EPPK1: variants seen among roughly 807,000 people sequenced by gnomAD.
EPPK1 encodes epiplakin.
For missense variants in EPPK1, 3,823 were observed against 3,673.3 expected (o/e 1.04, Z -1.05); for synonymous variants, 1,862 against 1,721.2 (o/e 1.08, Z -2.03).
In EPPK1 at chr8:143,857,764, T is replaced by A. The variant is rs1818920609; in HGVS notation, c.*223A>T. 2.1e-6 allele frequency: 1 copy of A among 477,230 alleles called. No homozygotes were observed. The highest frequency in any genetic ancestry group is 3.6e-6 in the Non-Finnish European group (1 of 275,674). The allele number at this position is 477,230 out of a possible 1,614,324, so 29.6% of individuals were successfully genotyped here. On this transcript the variant is annotated 3_prime_UTR_variant, in exon 2 of 2. Coordinates refer to ENST00000615648, the MANE Select transcript of EPPK1 (RefSeq NM_031308.4). ...GAGAAAAGTAAAACCATATGACACA[T>A]AGACGACCCAGAAAACACACCAAAA...
upstream of EPPK1, among the ~76,000 whole-genome samples, chr8:143,878,940 C>A (rs543940452): frequency 1.3e-5 from 2 of 152,258 alleles, no homozygotes; most frequent in African/African-American, 4.8e-5. Context: ...CCCCCTGCCC[C>A]CATGACGTTG....
At position 143,872,196 on chromosome 8, in the gene EPPK1, T is replaced by C. The variant is rs782425541; in HGVS notation, c.1058A>G (p.His353Arg). 1.9e-6 allele frequency: 3 copies of C among 1,602,374 alleles called. No homozygotes were observed. The highest frequency in any genetic ancestry group is 1.1e-5 in the South Asian group (1 of 89,600). Residue 353 changes from histidine to arginine, a missense_variant, in exon 2 of 2, where the codon CAT becomes CGT. Coordinates refer to ENST00000615648, the MANE Select transcript of EPPK1 (RefSeq NM_031308.4). ...CTGCTCGGCCACCAGGAGCTGCTCA[T>C]GGAGCTCTGGGCTGACCAGGCCCGC... ...VRAGLVSPEL[H>R]EQLLVAEQAV...
Position 143,870,617 on chromosome 8 carries a change from C to T in EPPK1, c.2637G>A (p.Met879Ile). The T allele has an allele frequency of 6.2e-7, 1 of 1,606,772 alleles. No homozygotes were observed. Among genetic ancestry groups the T allele is most frequent in the Non-Finnish European group, 8.5e-7 (1 of 1,177,598 alleles). ...TGACCCGGCTCCGCAGTGCGGGCAGCATGATGTCCGCCTGTCTCTGCGTCT... is the reference window on the plus strand; with the variant it reads ...TGACCCGGCTCCGCAGTGCGGGCAGTATGATGTCCGCCTGTCTCTGCGTCT... ...EAETQRQADI[M>I]LPALRSRVTV... Residue 879 changes from methionine to isoleucine, a missense_variant, in exon 2 of 2, where the codon ATG (methionine) becomes ATA (isoleucine). Physicochemically the swap from Met to Ile is conservative, Grantham distance 10. Transcript: ENST00000615648. This position sits in a 1 kb window ranked among gnomAD's most constrained non-coding sequence, Gnocchi z 5.2.
Position 143,869,706 on chromosome 8 carries a change from A to C in EPPK1, c.3548T>G (p.Val1183Gly), listed in dbSNP as rs782657605. 1 of 1,596,446 alleles carries C rather than the reference A, an allele frequency of 6.3e-7. No homozygotes were observed. The highest frequency in any genetic ancestry group is 8.5e-7 in the Non-Finnish European group (1 of 1,172,570). Residue 1183 changes from valine to glycine, a missense_variant, in exon 2 of 2, where the codon GTA becomes GGA. Coordinates refer to ENST00000615648, the MANE Select transcript of EPPK1 (RefSeq NM_031308.4). ...CTGGGCCAGGAGCTTGGTCTCCTGT[A>C]CCCACCTCTGCACAGAGGCTAGCAG... is the stretch of plus-strand genomic sequence containing the variant. Reference protein sequence around the residue: ...PQLLASVQRWVQETKLLAQAR... With the variant: ...PQLLASVQRWGQETKLLAQAR...
Position 143,873,011 on chromosome 8 carries a change from A to G in EPPK1, c.243T>C (p.Thr81=). The change falls in exon 2 of 2, where the codon ACT becomes ACC. Residue 81 remains threonine (T), a synonymous_variant. Transcript: ENST00000615648. ...CCCGGGCGAGGTCCACCAGGCCCCC[A>G]GTGGCTGCCTGGGCCTCTAGCAGAG... The part of the protein sequence containing the change: ...GQALLEAQAA[T]GGLVDLARGQ... The G allele has an allele frequency of 1.3e-6, 2 of 1,576,008 alleles. No homozygotes were observed. The highest frequency in any genetic ancestry group is 1.7e-6 in the Non-Finnish European group (2 of 1,160,474).
rs530691246 is a variant in EPPK1 at position 143,870,608 on chromosome 8, T to C, written c.2646A>G (p.Ala882=). 1.2e-6 allele frequency: 2 copies of C among 1,607,400 alleles called. No individual in the cohort carries two copies. The highest frequency in any genetic ancestry group is 2.2e-5 in the East Asian group (1 of 44,570). The part of the protein sequence containing the change: ...TQRQADIMLP[A]LRSRVTVHQL... Reference sequence around the variant, plus strand: ...GGTGGACGGTGACCCGGCTCCGCAGTGCGGGCAGCATGATGTCCGCCTGTC... The same window carrying C: ...GGTGGACGGTGACCCGGCTCCGCAGCGCGGGCAGCATGATGTCCGCCTGTC... The change falls in exon 2 of 2, where the codon GCA becomes GCG. Residue 882 remains alanine, a synonymous_variant. Transcript: ENST00000615648. This position sits in a 1 kb window ranked among gnomAD's most constrained non-coding sequence, Gnocchi z 5.2.
Position 143,870,314 on chromosome 8 carries a change from C to G in EPPK1, c.2940G>C (p.Glu980Asp). Residue 980 changes from glutamate to aspartate, a missense_variant, in exon 2 of 2, where the codon GAG (glutamate) becomes GAC (aspartate). Coordinates refer to ENST00000615648, the MANE Select transcript of EPPK1 (RefSeq NM_031308.4). The surrounding 1 kb of genome is among the most constrained non-coding windows in gnomAD (Gnocchi z 5.2). ...GCACGGCCTCATCCACCGAGAGGCT[C>G]TCTGGGCTGTGAGGGTCCATGATGG... ...TGTIMDPHSP[E>D]SLSVDEAVRR... 6.4e-7 allele frequency: 1 copy of G among 1,573,186 alleles called. No homozygotes were observed. The highest frequency in any genetic ancestry group is 1.3e-5 in the African/African-American group (1 of 74,214).
In EPPK1 at chr8:143,873,501, T is replaced by C. The variant is rs1586702512; in HGVS notation, c.-45-203A>G. On this transcript the variant is annotated intron_variant, in intron 1 of 1. Coordinates refer to ENST00000615648, the MANE Select transcript of EPPK1 (RefSeq NM_031308.4). ...GGGAAGTGCCAGCTCAGAGGGACCATGTGGGCGCAGGCACCCAGGCGGCGC... is the reference window on the plus strand; with the variant it reads ...GGGAAGTGCCAGCTCAGAGGGACCACGTGGGCGCAGGCACCCAGGCGGCGC... Among the ~76,000 whole-genome samples the C allele has an allele frequency of 2.0e-5, 3 of 151,976 alleles. No homozygotes were observed. In the South Asian group the frequency reaches 6.2e-4, roughly 32 times the overall value.
At position 143,870,225 on chromosome 8, in the gene EPPK1, C is replaced by A. The variant is rs781938496; in HGVS notation, c.3029G>T (p.Gly1010Val). 2.5e-6 allele frequency: 4 copies of A among 1,607,286 alleles called. No homozygotes were observed. Among genetic ancestry groups the A allele is most frequent in the Non-Finnish European group, 3.4e-6 (4 of 1,177,630 alleles). ...RLKRAEGAIAGFRDPFSGKQV... is the reference protein window; with the variant it reads ...RLKRAEGAIAVFRDPFSGKQV... ...CTTCCCAGAGAAGGGGTCTCTGAAG[C>A]CAGCAATGGCACCCTCAGCCCGCTT... The change falls in exon 2 of 2, where the codon GGC (glycine) becomes GTC (valine). Residue 1010 changes from glycine (G) to valine (V), a missense_variant. Physicochemically the swap from Gly to Val is moderately radical, Grantham distance 109. Transcript: ENST00000615648. This position sits in a 1 kb window ranked among gnomAD's most constrained non-coding sequence, Gnocchi z 5.2.
rs1819098227 is a variant in EPPK1, at chr8:143,866,176, C to T, written c.7078G>A (p.Asp2360Asn). 1 of 419,018 alleles carries T rather than the reference C, an allele frequency of 2.4e-6. No homozygotes were observed. 26.0% of individuals were successfully genotyped at this position (419,018 alleles called of 1,614,324 possible). A position where few individuals can be genotyped will look rare whatever the true frequency, so the allele number is the denominator to read the frequency against. The change falls in exon 2 of 2, where the codon GAC (aspartate) becomes AAC (asparagine). Residue 2360 changes from aspartate (D) to asparagine (N), a missense_variant. Asp to Asn is a conservative substitution (Grantham distance 23). Coordinates refer to ENST00000615648, the MANE Select transcript of EPPK1 (RefSeq NM_031308.4). ...AAGTAGCCGCGCCGGTAGGCCACGTCCACGGGCACGCGGTGGCTGTGCACG... is the reference window on the plus strand; with the variant it reads ...AAGTAGCCGCGCCGGTAGGCCACGTTCACGGGCACGCGGTGGCTGTGCACG... The part of the protein sequence containing the change: ...DPVHSHRVPV[D>N]VAYRRGYFDE...
rs781956824 is a variant in EPPK1 at position 143,871,019 on chromosome 8, C to G, written c.2235G>C (p.Arg745=). 26 of 1,613,154 alleles carry G rather than the reference C, an allele frequency of 1.6e-5. No homozygotes were observed. The highest frequency in any genetic ancestry group is 2.2e-5 in the Non-Finnish European group (26 of 1,179,996). The change falls in exon 2 of 2, where the codon CGG becomes CGC. Residue 745 remains arginine (R), a synonymous_variant. Coordinates refer to ENST00000615648, the MANE Select transcript of EPPK1 (RefSeq NM_031308.4). Reference sequence around the variant, plus strand: ...TCAGCATCTGATCGAAGTAGCCGCGCCGGTAGGCCACGTCCACGGGCACGC... The same window carrying G: ...TCAGCATCTGATCGAAGTAGCCGCGGCGGTAGGCCACGTCCACGGGCACGC... ...SHRVPVDVAY[R]RGYFDQMLNL...
rs370868963 is a variant in EPPK1, at chr8:143,869,468, G to A, written c.3786C>T (p.Ile1262=). Residue 1262 remains isoleucine, a synonymous_variant, in exon 2 of 2, where the codon ATC becomes ATT. Coordinates refer to ENST00000615648, the MANE Select transcript of EPPK1 (RefSeq NM_031308.4). ...GGAGGCCATCCCTCACGGCCTGGGCGATGCTGGCCTTGGCCCCAGAGGGCT... is the reference window on the plus strand; with the variant it reads ...GGAGGCCATCCCTCACGGCCTGGGCAATGCTGGCCTTGGCCCCAGAGGGCT... ...LLQPSGAKAS[I]AQAVRDGLLP... is the part of the protein sequence containing the mutation. The A allele has an allele frequency of 1.2e-4, 194 of 1,553,482 alleles. 1 individual carries two copies. The highest frequency in any genetic ancestry group is 7.9e-4 in the South Asian group (66 of 83,592).
rs1326841933 is a variant in EPPK1 at position 143,868,865 on chromosome 8, C to T, written c.4389G>A (p.Lys1463=). ...MKVPVSTGRF[K]GCSVSLWDLL... is the part of the protein sequence containing the mutation. The stretch of plus-strand genomic sequence containing the variant: ...GGTCCCAGAGTGACACGCTACACCC[C>T]TTAAACCTCCCTGTGCTGACGGGCA... Residue 1463 remains lysine (K), a synonymous_variant, in exon 2 of 2, where the codon AAG becomes AAA. Transcript: ENST00000615648. The T allele has an allele frequency of 6.2e-7, 1 of 1,610,094 alleles. No individual in the cohort carries two copies. The highest frequency in any genetic ancestry group is 8.5e-7 in the Non-Finnish European group (1 of 1,179,820).
At position 143,872,663 on chromosome 8, in the gene EPPK1, G is replaced by T; in HGVS notation, c.591C>A (p.Asp197Glu). The change falls in exon 2 of 2, where the codon GAC (aspartate) becomes GAA (glutamate). Residue 197 changes from aspartate (D) to glutamate (E), a missense_variant. Transcript: ENST00000615648. ...GCGTGTTGGGGTCGAGGAAGCGCAG[G>T]TCACCTGTGCCAGGCTCAAGCTCTG... The part of the protein sequence containing the change: ...KLSELEPGTG[D>E]LRFLDPNTLE... The T allele has an allele frequency of 6.2e-7, 1 of 1,608,772 alleles. No individual in the cohort carries two copies. The highest frequency in any genetic ancestry group is 8.5e-7 in the Non-Finnish European group (1 of 1,179,068).
Position 143,859,336 on chromosome 8 carries a change from C to T in EPPK1, c.13918G>A (p.Glu4640Lys), listed in dbSNP as rs1480420589. ...GGGCGCGGGCTCCCGGCCTCGGCCT[C>T]GGCCTCGGCCCGGGCCTGGGCCTGG... Reference protein sequence around the residue: ...QAQAQARAEAEAEAGSPRPDP... With the variant: ...QAQAQARAEAKAEAGSPRPDP... The change falls in exon 2 of 2, where the codon GAG becomes AAG. Residue 4640 changes from glutamate to lysine, a missense_variant. Transcript: ENST00000615648. 196 of 254,072 alleles carry T rather than the reference C, an allele frequency of 7.7e-4. 29 individuals carry two copies. The East Asian group carries it at 7.7e-3, about 10-fold the overall frequency. 15.7% of individuals were successfully genotyped at this position (254,072 alleles called of 1,614,324 possible). A position where few individuals can be genotyped will look rare whatever the true frequency, so the allele number is the denominator to read the frequency against.
rs1195825609 is a variant in EPPK1 at position 143,878,447 on chromosome 8, C to A, written c.-55G>T. ...GCCGCACCCGCCGCACCTGCCCGCT[C>A]GCCGCTCGGTCCGCAGTGTCTCCGC... On this transcript the variant is annotated 5_prime_UTR_variant, in exon 1 of 2. Transcript: ENST00000615648. The A allele has an allele frequency of 2.0e-5, 3 of 149,326 alleles. No individual in the cohort carries two copies. Among genetic ancestry groups the A allele is most frequent in the African/African-American group, 7.3e-5 (3 of 40,944 alleles). 9.3% of individuals were successfully genotyped at this position (149,326 alleles called of 1,614,324 possible). A position where few individuals can be genotyped will look rare whatever the true frequency, so the allele number is the denominator to read the frequency against.
rs377501477 is a variant in EPPK1, at chr8:143,870,724, C to T, written c.2530G>A (p.Glu844Lys). Residue 844 changes from glutamate (E) to lysine (K), a missense_variant, in exon 2 of 2, where the codon GAG becomes AAG. By Grantham distance (56) the Glu-to-Lys change is moderately conservative (BLOSUM62 1). Coordinates refer to ENST00000615648, the MANE Select transcript of EPPK1 (RefSeq NM_031308.4). This position sits in a 1 kb window ranked among gnomAD's most constrained non-coding sequence, Gnocchi z 5.2. Reference protein sequence around the residue: ...WELINSEYFSEGRRRQLLRRY... With the variant: ...WELINSEYFSKGRRRQLLRRY... ...CGCAGCAGCTGCCTCCTGCGGCCCT[C>T]GCTGAAGTACTCAGAGTTGATCAGC... 2.0e-5 allele frequency: 32 copies of T among 1,611,696 alleles called. 1 individual carries two copies. Among genetic ancestry groups the T allele is most frequent in the South Asian group, 1.3e-4 (12 of 91,008 alleles).
Position 143,861,356 on chromosome 8 carries a change from GCGCCGGTAGGCCA to G in EPPK1, c.11885_11897del (p.Val3962AlafsTer8). 1 of 148,600 alleles carries G rather than the reference GCGCCGGTAGGCCA, an allele frequency of 6.7e-6. No homozygotes were observed. Among genetic ancestry groups the G allele is most frequent in the Non-Finnish European group, 1.0e-5 (1 of 96,360 alleles). The allele number at this position is 148,600 out of a possible 1,614,324, so 9.2% of individuals were successfully genotyped here. A position where few individuals can be genotyped will look rare whatever the true frequency, so the allele number is the denominator to read the frequency against. ...GGTTCATCTCCTCGTCGAAGTAGCC[GCGCCGGTAGGCCA>G]CGTCCACGGGCACGCGGTGGCTGTG... On this transcript the variant is annotated frameshift_variant, in exon 2 of 2. Transcript: ENST00000615648. LOFTEE classifies it low-confidence loss of function (END_TRUNC).
rs200054235 is a variant in EPPK1 at position 143,870,130 on chromosome 8, C to T, written c.3124G>A (p.Ala1042Thr). ...PWEQAARLLEAQVATGGIIDP... is the reference protein window; with the variant it reads ...PWEQAARLLETQVATGGIIDP... Reference sequence around the variant, plus strand: ...ATGATCCCTCCTGTGGCCACTTGAGCCTCCAGGAGGCGGGCAGCTTGCTCC... The same window carrying T: ...ATGATCCCTCCTGTGGCCACTTGAGTCTCCAGGAGGCGGGCAGCTTGCTCC... The change falls in exon 2 of 2, where the codon GCT (alanine) becomes ACT (threonine). Residue 1042 changes from alanine (A) to threonine (T), a missense_variant. Physicochemically the swap from Ala to Thr is moderately conservative, Grantham distance 58. Transcript: ENST00000615648. The surrounding 1 kb of genome is among the most constrained non-coding windows in gnomAD (Gnocchi z 5.2). 182 of 1,611,422 alleles carry T rather than the reference C, an allele frequency of 1.1e-4. No individual in the cohort carries two copies. Among genetic ancestry groups the T allele is most frequent in the Middle Eastern group, 3.3e-4 (2 of 6,074 alleles).
Sources: allele counts gnomAD v4.1 joint callset (sites outside exome capture counted in the v4.1 genomes callset), GRCh38; gene constraint gnomAD v4.1.1; non-coding constraint Gnocchi (gnomAD v3.1); transcripts MANE v1.5; gene names NCBI Gene and HGNC (gene_info 2026-07-23, HGNC 2026-07-21).